The following PDPK1 variants were observed in gnomAD, a reference collection of about 807,000 sequenced individuals.
PDPK1 encodes 3-phosphoinositide dependent protein kinase 1, also known as 3-phosphoinositide-dependent protein kinase 1.
PDPK1 carries 7 observed loss-of-function variants against 39.8 expected under a neutral mutation model. That is an observed-to-expected ratio of 0.18 (90% CI 0.10 to 0.33). PDPK1 has a LOEUF of 0.33. PDPK1 is among the 10% of genes least tolerant of loss of function. PDPK1 has a pLI of 1.00. For missense variants in PDPK1, 182 were observed against 384.7 expected, an observed-to-expected ratio of 0.47 and a Z score of 4.41; for synonymous variants, 118 against 159.1, an observed-to-expected ratio of 0.74 and a Z score of 1.95.
chr16:2,553,334 C>CTTTTT (rs534695281), intron 1 of PDPK1, among the ~76,000 whole-genome samples: 20 of 124,290 alleles, frequency 1.6e-4, no homozygotes, highest in Non-Finnish European at 2.5e-4. Context: ...GTGCCTGGCT[C>CTTTTT]TTTTTTTTTT....
At chr16:2,586,355 C>G (rs539133440) in intron 10 of PDPK1, among the ~76,000 whole-genome samples, 5 of 152,356 alleles carry the variant, frequency 3.3e-5, no homozygotes, top group African/African-American at 1.2e-4. Flanking sequence ...GCCCCCACCT[C>G]CGGGGGGCAG....
intron 12 of PDPK1, 42 bp downstream of exon 12, chr16:2,595,892 A>G (rs1246498591): frequency 1.3e-6 from 2 of 1,495,208 alleles, no homozygotes; most frequent in Non-Finnish European, 1.9e-6. Context: ...GGACACCTGC[A>G]TCTTCCCCGA....
intron 11 of PDPK1, chr16:2,592,611 G>T: frequency 2.7e-6 from 1 of 368,446 alleles, no homozygotes; most frequent in Non-Finnish European, 5.4e-6. Flanking sequence ...GGAGGCAGAG[G>T]TTACACTGGG....
chr16:2,543,756 C>G (rs574118691), intron 1 of PDPK1, among the ~76,000 whole-genome samples: 20 of 152,356 alleles, frequency 1.3e-4, no homozygotes, highest in African/African-American at 4.8e-4. Flanking sequence ...GAATCTTGCT[C>G]TGTCGCCCAG....
At position 2,577,274 on chromosome 16, in the gene PDPK1, C is replaced by A. The variant is rs913797429; in HGVS notation, c.710-151C>A. On this transcript the variant is annotated intron_variant, in intron 6 of 13. Coordinates refer to ENST00000342085, the MANE Select transcript of PDPK1 (RefSeq NM_002613.5). ...CGGTGTCCAGGGATCAGGCAGGCGTCTTTGAGCCGGTGAGCCATGAGCCAG... is the reference window on the plus strand; with the variant it reads ...CGGTGTCCAGGGATCAGGCAGGCGTATTTGAGCCGGTGAGCCATGAGCCAG... 78 of 716,752 alleles carry A rather than the reference C, an allele frequency of 1.1e-4. 2 individuals carry two copies. Among genetic ancestry groups the A allele is most frequent in the Non-Finnish European group, 1.7e-4 (70 of 400,138 alleles). The allele number at this position is 716,752 out of a possible 1,614,324, so 44.4% of individuals were successfully genotyped here.
intron 10 of PDPK1, among the ~76,000 whole-genome samples, chr16:2,585,692 C>T (rs1017761946): frequency 5.3e-5 from 8 of 152,298 alleles, no homozygotes; most frequent in South Asian, 2.1e-4. Flanking sequence ...CAGCGTCGGG[C>T]GTTTCCACCA....
At chr16:2,546,116 CTCTG>C (rs1447156143) in intron 1 of PDPK1, among the ~76,000 whole-genome samples, 3 of 152,062 alleles carry the variant, frequency 2.0e-5, no homozygotes, top group Admixed American at 6.6e-5. Context: ...TGGAGTCTCA[CTCTG>C]TCACCCAGGC....
At chr16:2,551,697 G>A (rs1171894476) in intron 1 of PDPK1, among the ~76,000 whole-genome samples, 5 of 128,526 alleles carry the variant, frequency 3.9e-5, no homozygotes, top group African/African-American at 8.8e-5. Flanking sequence ...ACGGAGTTTC[G>A]CTTTTTTTAC....
At position 2,601,363 on chromosome 16, in the gene PDPK1, G is replaced by A. The variant is rs2067211538; in HGVS notation, c.*3596G>A. On this transcript the variant is annotated 3_prime_UTR_variant, in exon 14 of 14. Coordinates refer to ENST00000342085, the MANE Select transcript of PDPK1 (RefSeq NM_002613.5). ...TCACTACTGCAATCCATCTGTGGCC[G>A]ATTTTTTCCAAGAGCCAATTTCCTT... 1 of 234,612 alleles carries A rather than the reference G, an allele frequency of 4.3e-6. No homozygotes were observed. Among genetic ancestry groups the A allele is most frequent in the Middle Eastern group, 1.3e-3 (1 of 786 alleles). 14.5% of individuals were successfully genotyped at this position (234,612 alleles called of 1,614,324 possible). A position where few individuals can be genotyped will look rare whatever the true frequency, so the allele number is the denominator to read the frequency against.
chr16:2,597,287 C>G lies in PDPK1; in HGVS notation c.1554+12C>G, dbSNP rs1427075745. 1 of 1,569,030 alleles carries G rather than the reference C, an allele frequency of 6.4e-7. No homozygotes were observed. ...TCTTTGTCCACACGGTGAGTCTGTTCCCAGGGATTTCTGTGTGCAGGGTAA... is the reference window on the plus strand; with the variant it reads ...TCTTTGTCCACACGGTGAGTCTGTTGCCAGGGATTTCTGTGTGCAGGGTAA... On this transcript the variant is annotated intron_variant, in intron 13 of 13. Transcript: ENST00000342085. The surrounding 1 kb of genome is among the most constrained non-coding windows in gnomAD (Gnocchi z 6.3).
At chr16:2,551,979 C>CT (rs548408889) in intron 1 of PDPK1, among the ~76,000 whole-genome samples, 6,984 of 148,096 alleles carry the variant, frequency 0.047, 305 homozygotes, top group Non-Finnish European at 0.068. Context: ...AGAGTATCTA[C>CT]TTTTTTTTTT....
At chr16:2,588,110 C>T (rs1041235057) in intron 11 of PDPK1, among the ~76,000 whole-genome samples, 1 of 152,202 alleles carries the variant, frequency 6.6e-6, no homozygotes, top group Non-Finnish European at 1.5e-5. Context: ...GAGGAAGGAG[C>T]TGAGCTCTGG....
intron 1 of PDPK1, among the ~76,000 whole-genome samples, chr16:2,545,418 A>G (rs1271240380): frequency 6.6e-6 from 1 of 151,554 alleles, no homozygotes; most frequent in Non-Finnish European, 1.5e-5. Flanking sequence ...TGCAGCCTTG[A>G]ACTCCCTTGG....
Position 2,552,597 on chromosome 16 carries a change from G to A in PDPK1, c.25-5106G>A, listed in dbSNP as rs1369315071. On this transcript the variant is annotated intron_variant, in intron 1 of 13. Transcript: ENST00000342085. ...GCAGTGACTCGTCATTGAGTGGCGCGGGGGGATGTGAGAGCCCCTCTTCCA... is the reference window on the plus strand; with the variant it reads ...GCAGTGACTCGTCATTGAGTGGCGCAGGGGGATGTGAGAGCCCCTCTTCCA... Among the ~76,000 whole-genome samples the A allele has an allele frequency of 5.4e-5, 7 of 129,014 alleles. No homozygotes were observed. In the South Asian group the frequency reaches 1.7e-3, roughly 31 times the overall value. The allele number at this position is 129,014 out of a possible 152,430, so 84.6% of individuals were successfully genotyped here. A position where few individuals can be genotyped will look rare whatever the true frequency, so the allele number is the denominator to read the frequency against.
In PDPK1 at chr16:2,551,728, G is replaced by A. The variant is rs539977855; in HGVS notation, c.25-5975G>A. ...TTTACCCAGGCTGGAATGCGGTGACGCAATCTCTGCTCACTGCAACCTCCG... is the reference window on the plus strand; with the variant it reads ...TTTACCCAGGCTGGAATGCGGTGACACAATCTCTGCTCACTGCAACCTCCG... On this transcript the variant is annotated intron_variant, in intron 1 of 13. Transcript: ENST00000342085. 1.0e-4 allele frequency among the ~76,000 whole-genome samples: 15 copies of A among 148,258 alleles called. 1 individual carries two copies. Among genetic ancestry groups the A allele is most frequent in the Middle Eastern group, 3.2e-3 (1 of 314 alleles).
intron 1 of PDPK1, among the ~76,000 whole-genome samples, chr16:2,544,727 G>A (rs1291409196): frequency 6.6e-6 from 1 of 151,994 alleles, no homozygotes; most frequent in East Asian, 1.9e-4. Context: ...GGGACCACAG[G>A]CGCCTGCCAC....
chr16:2,579,961 GAA>G (rs2066791818), intron 7 of PDPK1: 1 of 145,902 alleles, frequency 6.9e-6, no homozygotes, highest in African/African-American at 2.5e-5. Context: ...AGAAAAAAAA[GAA>G]AAGAGAAATT....
In PDPK1 at chr16:2,598,521, G is replaced by C. The variant is rs893754225; in HGVS notation, c.*754G>C. The stretch of plus-strand genomic sequence containing the variant: ...ATCCTACTTAGCAGTGTTGGTCTCT[G>C]GGGCTGGAAGCCGAGCGCATGCTGG... On this transcript the variant is annotated 3_prime_UTR_variant, in exon 14 of 14. Coordinates refer to ENST00000342085, the MANE Select transcript of PDPK1 (RefSeq NM_002613.5). 2 of 233,542 alleles carry C rather than the reference G, an allele frequency of 8.6e-6. No individual in the cohort carries two copies. The highest frequency in any genetic ancestry group is 1.7e-5 in the Non-Finnish European group (2 of 118,340). The allele number at this position is 233,542 out of a possible 1,614,324, so 14.5% of individuals were successfully genotyped here. A position where few individuals can be genotyped will look rare whatever the true frequency, so the allele number is the denominator to read the frequency against.
intron 1 of PDPK1, among the ~76,000 whole-genome samples, chr16:2,542,703 A>G (rs943096859): frequency 3.3e-5 from 5 of 152,216 alleles, no homozygotes; most frequent in African/African-American, 9.6e-5. Flanking sequence ...TCTACCAGCC[A>G]CCGTGCTGGG....
Sources: gnomAD v4.1 joint callset for allele counts (sites outside exome capture counted in the v4.1 genomes callset) on GRCh38, gnomAD v4.1.1 for gene constraint, Gnocchi (gnomAD v3.1) non-coding constraint, MANE v1.5 for transcripts, NCBI Gene and HGNC (gene_info 2026-07-23, HGNC 2026-07-21) for gene names.